Variants in VPS25 observed in about 807,000 individuals in gnomAD.
The protein encoded by VPS25 is vacuolar protein sorting 25 homolog, also known as vacuolar protein-sorting-associated protein 25.
In VPS25, 21 loss-of-function variants were observed where a neutral mutation model predicts 30.3. The ratio of observed to expected loss-of-function variants is 0.69; its 90% confidence interval spans 0.49 to 1.00. The LOEUF (loss-of-function observed/expected upper bound fraction) is 1.00, where lower values mean the gene tolerates loss of function less well. VPS25 is among the 50% of genes least tolerant of loss of function. VPS25 has a pLI of 0.00. For synonymous variants in VPS25, 101 were observed against 88.1 expected (o/e 1.15, Z -0.82); for missense variants, 156 against 217.2 (o/e 0.72, Z 1.77).
At chr17:42,777,280 C>T (rs1437272755) in intron 5 of VPS25, among the ~76,000 whole-genome samples, 5 of 152,096 alleles carry the variant, frequency 3.3e-5, no homozygotes, top group East Asian at 1.9e-4. Flanking sequence ...TTTGGGAGGC[C>T]GAGGCAGGTG....
In VPS25 at chr17:42,776,306, A is replaced by G; in HGVS notation, c.404A>G (p.Asp135Gly). The G allele has an allele frequency of 6.2e-7, 1 of 1,613,544 alleles. No individual in the cohort carries two copies. The highest frequency in any genetic ancestry group is 1.3e-5 in the African/African-American group (1 of 75,034). The change falls in exon 5 of 6, where the codon GAC (aspartate) becomes GGC (glycine). Residue 135 changes from aspartate (D) to glycine (G), a missense_variant. By Grantham distance (94) the Asp-to-Gly change is moderately conservative. Transcript: ENST00000253794. ...CTGTATGAACTGACTAATGGGGAAG[A>G]CACAGAGGATGAGGGTAATGCCTTT... ...FTLYELTNGEDTEDEEFHGLD... is the reference protein window; with the variant it reads ...FTLYELTNGEGTEDEEFHGLD...
intron 2 of VPS25, 90 bp downstream of exon 2, chr17:42,773,968 T>C: frequency 1.4e-6 from 2 of 1,468,708 alleles, no homozygotes; most frequent in African/African-American, 2.8e-5. Context: ...CAGCCCCCTT[T>C]TACCCATGGT....
In VPS25 at chr17:42,773,501, G is replaced by T; in HGVS notation, c.26G>T (p.Trp9Leu). 2 of 1,614,160 alleles carry T rather than the reference G, an allele frequency of 1.2e-6. No homozygotes were observed. Among genetic ancestry groups the T allele is most frequent in the Non-Finnish European group, 1.7e-6 (2 of 1,180,030 alleles). The stretch of plus-strand genomic sequence containing the variant: ...ATGGCGATGAGTTTCGAGTGGCCGT[G>T]GCAGTATCGCTTCCCACCCTTCTTT... MAMSFEWPWQYRFPPFFTL... is the reference protein window; with the variant it reads MAMSFEWPLQYRFPPFFTL... The change falls in exon 1 of 6, where the codon TGG (tryptophan) becomes TTG (leucine). Residue 9 changes from tryptophan to leucine, a missense_variant. Trp to Leu is a moderately conservative substitution (Grantham distance 61). Transcript: ENST00000253794.
At chr17:42,774,533 A>G in intron 2 of VPS25, 113 bp from the exon 3 acceptor site, 1 of 733,348 alleles carries the variant, frequency 1.4e-6, no homozygotes, top group Non-Finnish European at 2.3e-6. Context: ...GGGAAATTGC[A>G]CACATATGTG....
intron 3 of VPS25, 46 bp downstream of exon 3, chr17:42,774,745 T>G: frequency 1.3e-6 from 2 of 1,566,304 alleles, no homozygotes; most frequent in Non-Finnish European, 1.8e-6. Flanking sequence ...CTAGTTGGGT[T>G]TTCCTGAGGG....
At position 42,774,660 on chromosome 17, in the gene VPS25, G is replaced by C. The variant is rs750368277; in HGVS notation, c.214G>C (p.Glu72Gln). ...NVKLQRKLPV[E>Q]SIQIVLEELR... ...CCTTAAACCAGGAAAGCTTCCTGTG[G>C]AGTCGATCCAGATTGTATTAGAGGA... Residue 72 changes from glutamate to glutamine, a missense_variant, in exon 3 of 6, where the codon GAG (glutamate) becomes CAG (glutamine). Glu to Gln is a conservative substitution (Grantham distance 29). Transcript: ENST00000253794. 29 of 1,612,964 alleles carry C rather than the reference G, an allele frequency of 1.8e-5. No individual in the cohort carries two copies. Among genetic ancestry groups the C allele is most frequent in the Non-Finnish European group, 2.2e-5 (26 of 1,179,212 alleles).
chr17:42,774,899 C>T, intron 3 of VPS25, 200 bp downstream of exon 3: 1 of 493,412 alleles, frequency 2.0e-6, no homozygotes, highest in Non-Finnish European at 3.6e-6. Context: ...GTGCCCTAAA[C>T]CTGAAGAGAA....
At chr17:42,778,544 C>G (rs1037648436) in intron 5 of VPS25, among the ~76,000 whole-genome samples, 2 of 152,178 alleles carry the variant, frequency 1.3e-5, no homozygotes, top group African/African-American at 4.8e-5. Flanking sequence ...TTAACAGTCT[C>G]CTGGCCAGGG....
chr17:42,778,930 T>G (rs1232164090), intron 5 of VPS25, 27 bp from the exon 6 acceptor site: 1 of 1,609,042 alleles, frequency 6.2e-7, no homozygotes, highest in South Asian at 1.1e-5. Flanking sequence ...AGGAGCTGAT[T>G]GTCTCTGCCT....
At position 42,777,792 on chromosome 17, in the gene VPS25, T is replaced by G. The variant is rs4591198; in HGVS notation, c.419-1165T>G. On this transcript the variant is annotated intron_variant, in intron 5 of 5. Transcript: ENST00000253794. Reference sequence around the variant, plus strand: ...TTTGATTTTTACATAGCGTAAACACTCTTAGTTCTTTTTCTCCGACTCCAG... The same window carrying G: ...TTTGATTTTTACATAGCGTAAACACGCTTAGTTCTTTTTCTCCGACTCCAG... Among the ~76,000 whole-genome samples, 1,470 of 152,276 alleles carry G rather than the reference T, an allele frequency of 9.7e-3. 29 individuals carry two copies. The highest frequency in any genetic ancestry group is 0.034 in the African/African-American group (1,394 of 41,564).
chr17:42,776,844 G>A (rs2054439492), intron 5 of VPS25, among the ~76,000 whole-genome samples: 1 of 152,192 alleles, frequency 6.6e-6, no homozygotes, highest in Admixed American at 6.5e-5. Context: ...TTTTGTTTTT[G>A]TGGATGCATG....
In VPS25 at chr17:42,774,681, G is replaced by A; in HGVS notation, c.235G>A (p.Glu79Lys). 1 of 1,613,010 alleles carries A rather than the reference G, an allele frequency of 6.2e-7. No homozygotes were observed. Among genetic ancestry groups the A allele is most frequent in the Non-Finnish European group, 8.5e-7 (1 of 1,179,176 alleles). ...TGTGGAGTCGATCCAGATTGTATTAGAGGAACTGAGGAAGAAAGGTGGGTT... is the reference window on the plus strand; with the variant it reads ...TGTGGAGTCGATCCAGATTGTATTAAAGGAACTGAGGAAGAAAGGTGGGTT... ...LPVESIQIVLEELRKKGNLEW... is the reference protein window; with the variant it reads ...LPVESIQIVLKELRKKGNLEW... The change falls in exon 3 of 6, where the codon GAG becomes AAG. Residue 79 changes from glutamate (E) to lysine (K), a missense_variant. Transcript: ENST00000253794.
chr17:42,773,698 C>T, intron 1 of VPS25, 35 bp from the exon 2 acceptor site: 1 of 1,610,574 alleles, frequency 6.2e-7, no homozygotes. Flanking sequence ...GCCTCCCGCC[C>T]TCTAATTCTG....
chr17:42,775,306 G>C (rs929655769), intron 3 of VPS25, 75 bp from the exon 4 acceptor site: 7 of 1,178,732 alleles, frequency 5.9e-6, no homozygotes, highest in Non-Finnish European at 8.8e-6. Context: ...GGCTCAAGCA[G>C]TCCTCCCGCC....
At chr17:42,773,918 A>G in intron 2 of VPS25, 40 bp downstream of exon 2, 1 of 1,581,760 alleles carries the variant, frequency 6.3e-7, no homozygotes, top group Non-Finnish European at 8.6e-7. Context: ...ATACACATGC[A>G]CTTCTGCGCT....
In VPS25 at chr17:42,773,716, C is replaced by T. The variant is rs566169758; in HGVS notation, c.54-17C>T. Reference sequence around the variant, plus strand: ...TCCCGCCCTCTAATTCTGCGCCCCACTCCCTTCACCCGGCAGGTTACAACC... The same window carrying T: ...TCCCGCCCTCTAATTCTGCGCCCCATTCCCTTCACCCGGCAGGTTACAACC... On this transcript the variant is annotated splice_polypyrimidine_tract_variant and intron_variant, in intron 1 of 5. Transcript: ENST00000253794. 3.7e-6 allele frequency: 6 copies of T among 1,612,392 alleles called. No individual in the cohort carries two copies. Among genetic ancestry groups the T allele is most frequent in the Non-Finnish European group, 5.1e-6 (6 of 1,178,836 alleles).
rs936160057 is a variant in VPS25, at chr17:42,776,333, C to T, written c.418+13C>T. 1.9e-6 allele frequency: 3 copies of T among 1,608,788 alleles called. No individual in the cohort carries two copies. The highest frequency in any genetic ancestry group is 2.5e-6 in the Non-Finnish European group (3 of 1,177,450). ...ACAGAGGATGAGGGTAATGCCTTTC[C>T]CTTCCCACTCATAGTTAATTTTTTG... On this transcript the variant is annotated intron_variant, in intron 5 of 5. Coordinates refer to ENST00000253794, the MANE Select transcript of VPS25 (RefSeq NM_032353.4).
In VPS25 at chr17:42,779,069, GC is replaced by G; in HGVS notation, c.*1del. 6.2e-7 allele frequency: 1 copy of G among 1,613,386 alleles called. No homozygotes were observed. The highest frequency in any genetic ancestry group is 1.3e-5 in the African/African-American group (1 of 75,042). ...ATGGCCGAGGCGTCAAGTTCTTCTA[GC>G]AGGGACCTGTCTCCCTTTACTTCTT... On this transcript the variant is annotated 3_prime_UTR_variant, in exon 6 of 6. Transcript: ENST00000253794.
chr17:42,775,287 G>C, intron 3 of VPS25, 94 bp from the exon 4 acceptor site: 2 of 902,302 alleles, frequency 2.2e-6, no homozygotes, highest in Non-Finnish European at 3.5e-6. Context: ...GGCTAGTTTC[G>C]AACTCCTGGG....
Sources: gnomAD v4.1 joint callset for allele counts (sites outside exome capture counted in the v4.1 genomes callset) on GRCh38, gnomAD v4.1.1 for gene constraint, MANE v1.5 for transcripts, NCBI Gene and HGNC (gene_info 2026-07-23, HGNC 2026-07-21) for gene names.